SCAMP5: variants seen among roughly 807,000 people sequenced by gnomAD.
The protein encoded by SCAMP5 is secretory carrier membrane protein 5.
Under a neutral mutation model 28.3 loss-of-function variants are expected in SCAMP5, and 7 were observed. That is an observed-to-expected ratio of 0.25 (90% CI 0.14 to 0.46). SCAMP5 has a LOEUF of 0.46. Ranked by LOEUF, SCAMP5 falls within the 20% of genes least tolerant of loss-of-function variation. SCAMP5 has a pLI of 0.99. For synonymous variants in SCAMP5, 117 were observed against 116.4 expected (o/e 1.00, Z -0.03); for missense variants, 192 against 312.5 (o/e 0.61, Z 2.91).
intron 1 of SCAMP5, among the ~76,000 whole-genome samples, chr15:75,001,243 C>T (rs1309406460): frequency 7.1e-6 from 1 of 140,876 alleles, no homozygotes; most frequent in Non-Finnish European, 1.5e-5. Context: ...TCACTGCACT[C>T]CAGCCTGGGC....
rs564997096 is a variant in SCAMP5 at position 75,001,967 on chromosome 15, A to G, written c.-49+6294A>G. Among the ~76,000 whole-genome samples, 206 of 151,146 alleles carry G rather than the reference A, an allele frequency of 1.4e-3. 1 individual carries two copies. The highest frequency in any genetic ancestry group is 6.8e-3 in the Middle Eastern group (2 of 292). ...AAACAAAACAAAAAATTAGCTAGGC[A>G]TGGTGGCACGCATCTGTAGTCCCAG... On this transcript the variant is annotated intron_variant, in intron 1 of 6. Coordinates refer to ENST00000425597, the MANE Select transcript of SCAMP5 (RefSeq NM_138967.4).
chr15:75,011,148 G>A (rs909722687), intron 1 of SCAMP5, among the ~76,000 whole-genome samples: 2 of 151,848 alleles, frequency 1.3e-5, no homozygotes, highest in Non-Finnish European at 2.9e-5. Flanking sequence ...TGAGGCTGCC[G>A]TGAGCTGGGA....
At position 75,012,578 on chromosome 15, in the gene SCAMP5, C is replaced by T; in HGVS notation, c.8-99C>T. On this transcript the variant is annotated intron_variant, in intron 2 of 6. Coordinates refer to ENST00000425597, the MANE Select transcript of SCAMP5 (RefSeq NM_138967.4). Reference sequence around the variant, plus strand: ...GGGAAAGCAGAGTGGCCGGTGGCCACAGGGGCCAATGGGGCAGCACAGCCA... The same window carrying T: ...GGGAAAGCAGAGTGGCCGGTGGCCATAGGGGCCAATGGGGCAGCACAGCCA... 5.5e-6 allele frequency: 8 copies of T among 1,442,084 alleles called. No homozygotes were observed. The South Asian group carries it at 8.6e-5, about 15-fold the overall frequency. 89.3% of individuals were successfully genotyped at this position (1,442,084 alleles called of 1,614,324 possible). A position where few individuals can be genotyped will look rare whatever the true frequency, so the allele number is the denominator to read the frequency against.
rs900795849 is a variant in SCAMP5 at position 75,018,113 on chromosome 15, A to G, written c.395+142A>G. 1 of 639,204 alleles carries G rather than the reference A, an allele frequency of 1.6e-6. No homozygotes were observed. Among genetic ancestry groups the G allele is most frequent in the East Asian group, 2.6e-5 (1 of 37,860 alleles). The allele number at this position is 639,204 out of a possible 1,614,324, so 39.6% of individuals were successfully genotyped here. On this transcript the variant is annotated intron_variant, in intron 5 of 6. Coordinates refer to ENST00000425597, the MANE Select transcript of SCAMP5 (RefSeq NM_138967.4). The surrounding 1 kb of genome is among the most constrained non-coding windows in gnomAD (Gnocchi z 5.6). ...AGAGTGAGAGGATTCGGGATAGTGT[A>G]GTAGTACAACCATAGCATCAGAGGG...
intron 1 of SCAMP5, among the ~76,000 whole-genome samples, chr15:75,007,996 G>A (rs114854487): frequency 0.018 from 2,685 of 152,194 alleles, 79 homozygotes; most frequent in African/African-American, 0.062. Context: ...CACTGCACCC[G>A]GCCTGTTTGC....
Position 75,018,103 on chromosome 15 carries a change from G to A in SCAMP5, c.395+132G>A, listed in dbSNP as rs1382652872. The A allele has an allele frequency of 1.2e-5, 8 of 655,602 alleles. No individual in the cohort carries two copies. Among genetic ancestry groups the A allele is most frequent in the South Asian group, 3.6e-5 (2 of 56,336 alleles). The allele number at this position is 655,602 out of a possible 1,614,324, so 40.6% of individuals were successfully genotyped here. On this transcript the variant is annotated intron_variant, in intron 5 of 6. Transcript: ENST00000425597. This position sits in a 1 kb window ranked among gnomAD's most constrained non-coding sequence, Gnocchi z 5.6. ...GGTTGTTGGGAGAGTGAGAGGATTC[G>A]GGATAGTGTAGTAGTACAACCATAG...
chr15:75,009,666 G>T (rs2065793729), intron 1 of SCAMP5, among the ~76,000 whole-genome samples: 1 of 152,172 alleles, frequency 6.6e-6, no homozygotes, highest in African/African-American at 2.4e-5. Context: ...TGTAGAGATG[G>T]AGTCTCACTG....
At chr15:75,000,749 G>A (rs1487358103) in intron 1 of SCAMP5, among the ~76,000 whole-genome samples, 3 of 149,010 alleles carry the variant, frequency 2.0e-5, no homozygotes, top group African/African-American at 7.4e-5. Flanking sequence ...TGACACTGAG[G>A]ACAAAGTCCA....
In SCAMP5 at chr15:75,018,754, T is replaced by C. The variant is rs202222025; in HGVS notation, c.514-35T>C. 127 of 1,531,224 alleles carry C rather than the reference T, an allele frequency of 8.3e-5. No homozygotes were observed. The highest frequency in any genetic ancestry group is 1.1e-4 in the Non-Finnish European group (123 of 1,110,718). 94.9% of individuals were successfully genotyped at this position (1,531,224 alleles called of 1,614,324 possible). A position where few individuals can be genotyped will look rare whatever the true frequency, so the allele number is the denominator to read the frequency against. On this transcript the variant is annotated intron_variant, in intron 6 of 6. Transcript: ENST00000425597. The surrounding 1 kb of genome is among the most constrained non-coding windows in gnomAD (Gnocchi z 5.6). ...TTCCTGGATGGGCTGCCTTTTCTCT[T>C]TGATTAACCCTTCTTTACGCTCTTT...
chr15:75,020,983 C>T lies in SCAMP5; in HGVS notation c.*2000C>T, dbSNP rs2065899734. ...AGGCCCTTCTTCCCTTTCCCTTCCT[C>T]TCCCCTACCCCAGAACTTTGGCTCC... is the stretch of plus-strand genomic sequence containing the variant. On this transcript the variant is annotated 3_prime_UTR_variant, in exon 7 of 7. Coordinates refer to ENST00000425597, the MANE Select transcript of SCAMP5 (RefSeq NM_138967.4). The T allele has an allele frequency of 6.6e-6, 1 of 152,502 alleles. No individual in the cohort carries two copies. The highest frequency in any genetic ancestry group is 2.1e-4 in the South Asian group (1 of 4,830). The allele number at this position is 152,502 out of a possible 1,614,324, so 9.4% of individuals were successfully genotyped here.
intron 3 of SCAMP5, 54 bp from the exon 4 acceptor site, chr15:75,016,539 C>A: frequency 1.3e-6 from 2 of 1,555,696 alleles, no homozygotes; most frequent in Non-Finnish European, 1.7e-6. Flanking sequence ...TCATGTGTCT[C>A]TCTATGGGCC....
At chr15:75,015,452 A>AGG (rs140229606) in intron 3 of SCAMP5, among the ~76,000 whole-genome samples, 1 of 128,856 alleles carries the variant, frequency 7.8e-6, no homozygotes, top group African/African-American at 3.1e-5. Context: ...GTGGGGACAG[A>AGG]GGGGGGGGGG....
chr15:75,010,054 C>T (rs548195849), intron 1 of SCAMP5: 1 of 152,180 alleles, frequency 6.6e-6, no homozygotes, highest in African/African-American at 2.4e-5. Flanking sequence ...TGGTTGTGGA[C>T]CATTTTCTGC....
chr15:75,017,712 G>A, intron 4 of SCAMP5, 158 bp from the exon 5 acceptor site: 1 of 646,910 alleles, frequency 1.5e-6, no homozygotes, highest in Non-Finnish European at 2.8e-6. Context: ...AACTTGCAAA[G>A]ATGTATGGGT....
At position 75,008,370 on chromosome 15, in the gene SCAMP5, G is replaced by A. The variant is rs971227340; in HGVS notation, c.-48-3422G>A. On this transcript the variant is annotated intron_variant, in intron 1 of 6. Transcript: ENST00000425597. The stretch of plus-strand genomic sequence containing the variant: ...TTTGCAAAAATAAGCAAATTCATAT[G>A]TGCATTCTTACTTCCCCTTTCTTAC... Among the ~76,000 whole-genome samples, 5 of 150,260 alleles carry A rather than the reference G, an allele frequency of 3.3e-5. No homozygotes were observed. In the East Asian group the frequency reaches 9.7e-4, roughly 29 times the overall value.
At chr15:75,003,944 G>GCCCA in intron 1 of SCAMP5, among the ~76,000 whole-genome samples, 1 of 147,714 alleles carries the variant, frequency 6.8e-6, no homozygotes, top group East Asian at 2.0e-4. Flanking sequence ...CGCTCTTGTT[G>GCCCA]CCCAGGCTGC....
chr15:75,010,070 A>T (rs961314583), intron 1 of SCAMP5: 8 of 152,042 alleles, frequency 5.3e-5, no homozygotes, highest in African/African-American at 1.9e-4. Flanking sequence ...TCTGCTGTTG[A>T]CTATATAAAT....
chr15:75,003,734 C>T (rs1429548139), intron 1 of SCAMP5, among the ~76,000 whole-genome samples: 1 of 152,178 alleles, frequency 6.6e-6, no homozygotes, highest in East Asian at 1.9e-4. Flanking sequence ...TGCTTGAGCC[C>T]AGGAGTTCGA....
At chr15:75,003,010 A>G (rs1459747661) in intron 1 of SCAMP5, among the ~76,000 whole-genome samples, 1 of 152,150 alleles carries the variant, frequency 6.6e-6, no homozygotes, top group Non-Finnish European at 1.5e-5. Flanking sequence ...AGCTCACTGC[A>G]ACCTCTGCCT....
Sources: gnomAD v4.1 joint callset for allele counts (sites outside exome capture counted in the v4.1 genomes callset) on GRCh38, gnomAD v4.1.1 for gene constraint, Gnocchi (gnomAD v3.1) non-coding constraint, MANE v1.5 for transcripts, NCBI Gene and HGNC (gene_info 2026-07-23, HGNC 2026-07-21) for gene names.